Variants in EBF1 observed in about 807,000 individuals in gnomAD.
EBF1 encodes the protein EBF transcription factor 1, also known as transcription factor COE1.
EBF1 carries 10 observed loss-of-function variants against 68.4 expected under a neutral mutation model. The observed-to-expected ratio is 0.15, with a 90% CI of 0.09 to 0.25. EBF1 has a LOEUF of 0.25. Among genes scored for constraint, EBF1 ranks in the 10% least tolerant of loss-of-function variants. The pLI, the probability that EBF1 is intolerant of heterozygous loss-of-function variation, is 1.00. For synonymous variants in EBF1, 298 were observed against 299.8 expected (o/e 0.99, Z 0.06); for missense variants, 509 against 794.4 (o/e 0.64, Z 4.32).
chr5:159,075,907 C>T (rs893710232), intron 5 of EBF1, among the ~76,000 whole-genome samples: 6 of 152,154 alleles, frequency 3.9e-5, no homozygotes, highest in African/African-American at 1.2e-4. Flanking sequence ...TCTTGCCTGG[C>T]GGGCCTCTCC....
rs143146943 is a variant in EBF1, at chr5:158,712,293, G to A, written c.1410C>T (p.Tyr470=). 2.2e-5 allele frequency: 36 copies of A among 1,614,082 alleles called. 1 individual carries two copies. The Middle Eastern group carries it at 5.0e-4, about 22-fold the overall frequency. The change falls in exon 14 of 16, where the codon TAC becomes TAT. Residue 470 remains tyrosine (Y), a synonymous_variant. Coordinates refer to ENST00000313708, the MANE Select transcript of EBF1 (RefSeq NM_024007.5). Reference sequence around the variant, plus strand: ...TCTGCTGGGGAGTGGTGCTCGGCACGTACCCGTGTGGTGATACGCTGCTTG... The same window carrying A: ...TCTGCTGGGGAGTGGTGCTCGGCACATACCCGTGTGGTGATACGCTGCTTG... ...RNSSSVSPHG[Y]VPSTTPQQTN...
chr5:158,956,036 G>A (rs1439717847), intron 6 of EBF1, among the ~76,000 whole-genome samples: 3 of 59,016 alleles, frequency 5.1e-5, no homozygotes, highest in Non-Finnish European at 8.0e-5. Context: ...AAATGTGTGT[G>A]TGTGTGTGTG....
chr5:158,820,968 C>T (rs1242332009), intron 8 of EBF1, among the ~76,000 whole-genome samples: 1 of 152,150 alleles, frequency 6.6e-6, no homozygotes, highest in Non-Finnish European at 1.5e-5. Flanking sequence ...TAATTAGTTA[C>T]CAACAATTAA....
intron 5 of EBF1, 38 bp downstream of exon 5, chr5:159,084,628 C>A: frequency 6.9e-7 from 1 of 1,454,962 alleles, no homozygotes; most frequent in South Asian, 1.4e-5. Flanking sequence ...TTCATCTTCT[C>A]TTTGCTAATT....
At chr5:158,932,150 A>G (rs1033059839) in intron 6 of EBF1, among the ~76,000 whole-genome samples, 5 of 152,234 alleles carry the variant, frequency 3.3e-5, no homozygotes, top group Admixed American at 3.3e-4. Flanking sequence ...ATATCCTTTG[A>G]GCCTGTAATT....
intron 11 of EBF1, among the ~76,000 whole-genome samples, chr5:158,724,461 A>G (rs1054631780): frequency 6.6e-6 from 1 of 152,210 alleles, no homozygotes; most frequent in Admixed American, 6.5e-5. Context: ...TTATGCAAAG[A>G]TATCTTATTT....
At chr5:158,862,549 C>T (rs909370407) in intron 6 of EBF1, among the ~76,000 whole-genome samples, 1 of 152,018 alleles carries the variant, frequency 6.6e-6, no homozygotes, top group Non-Finnish European at 1.5e-5. Context: ...TATGCTTGTC[C>T]CACTGTGCCT....
intron 11 of EBF1, among the ~76,000 whole-genome samples, chr5:158,715,074 T>A (rs1333128290): frequency 6.6e-6 from 1 of 152,218 alleles, no homozygotes; most frequent in Non-Finnish European, 1.5e-5. Flanking sequence ...TTTCTTCAGA[T>A]TCATTTCCAC....
intron 6 of EBF1, among the ~76,000 whole-genome samples, chr5:158,893,347 A>T (rs748851035): frequency 2.0e-5 from 3 of 152,184 alleles, no homozygotes; most frequent in Admixed American, 6.6e-5. Context: ...TGTAATCTTC[A>T]CAACAGGACA....
At chr5:159,057,282 T>C (rs1424226684) in intron 6 of EBF1, among the ~76,000 whole-genome samples, 1 of 152,036 alleles carries the variant, frequency 6.6e-6, no homozygotes, top group Non-Finnish European at 1.5e-5. Flanking sequence ...CATTTTTGTA[T>C]TTTTAGTAGA....
At chr5:158,845,806 C>T (rs966272531) in intron 6 of EBF1, among the ~76,000 whole-genome samples, 9 of 152,130 alleles carry the variant, frequency 5.9e-5, no homozygotes, top group South Asian at 2.1e-4. Context: ...AGGGGTAGTG[C>T]CTTAAATCGT....
intron 6 of EBF1, among the ~76,000 whole-genome samples, chr5:159,009,456 T>C (rs560619468): frequency 2.9e-4 from 44 of 152,178 alleles, no homozygotes; most frequent in Non-Finnish European, 5.1e-4. Flanking sequence ...CACACTTTCT[T>C]TACTATGCCA....
At chr5:158,857,076 C>T (rs572713017) in intron 6 of EBF1, among the ~76,000 whole-genome samples, 5 of 152,204 alleles carry the variant, frequency 3.3e-5, no homozygotes, top group Admixed American at 1.3e-4. Context: ...TGCCATCTTC[C>T]GCCTCCTACT....
chr5:158,923,049 C>G (rs1051273007), intron 6 of EBF1, among the ~76,000 whole-genome samples: 3 of 152,192 alleles, frequency 2.0e-5, no homozygotes, highest in Non-Finnish European at 4.4e-5. Flanking sequence ...GCGATTTGAA[C>G]GCAGAAAGCC....
chr5:159,025,745 A>C (rs1312565904), intron 6 of EBF1, among the ~76,000 whole-genome samples: 4 of 152,168 alleles, frequency 2.6e-5, no homozygotes, highest in Non-Finnish European at 5.9e-5. Context: ...CATCTCCTTA[A>C]TGTATCTCAA....
intron 10 of EBF1, among the ~76,000 whole-genome samples, chr5:158,763,608 A>G (rs1771992276): frequency 6.6e-6 from 1 of 152,204 alleles, no homozygotes; most frequent in African/African-American, 2.4e-5. Context: ...GGAAGGTCCA[A>G]GGAATTAAGC....
chr5:158,929,272 CA>C (rs1427039009), intron 6 of EBF1, among the ~76,000 whole-genome samples: 24 of 152,160 alleles, frequency 1.6e-4, no homozygotes, highest in African/African-American at 5.6e-4. Flanking sequence ...AGAGTATGTA[CA>C]ACTTCAGTGC....
rs934100769 is a variant in EBF1, at chr5:158,796,456, G to A, written c.798C>T (p.Ala266=). Reference sequence around the variant, plus strand: ...TCGTCCATCCTTCACTCGGGCTGATGGCTTTGATACAGGGAGTAGCTGCTT... The same window carrying A: ...TCGTCCATCCTTCACTCGGGCTGATAGCTTTGATACAGGGAGTAGCTGCTT... The part of the protein sequence containing the change: ...YLEHATPCIK[A]ISPSEGWTTG... The change falls in exon 9 of 16, where the codon GCC becomes GCT. Residue 266 remains alanine (A), a synonymous_variant. Coordinates refer to ENST00000313708, the MANE Select transcript of EBF1 (RefSeq NM_024007.5). The A allele has an allele frequency of 1.2e-6, 2 of 1,613,068 alleles. No homozygotes were observed. The highest frequency in any genetic ancestry group is 1.1e-5 in the South Asian group (1 of 90,898).
At chr5:158,715,762 C>T (rs889267253) in intron 11 of EBF1, among the ~76,000 whole-genome samples, 46 of 152,204 alleles carry the variant, frequency 3.0e-4, no homozygotes, top group African/African-American at 1.0e-3. Flanking sequence ...TACTATTGTA[C>T]GGGCACACTA....
Sources: allele counts gnomAD v4.1 joint callset (sites outside exome capture counted in the v4.1 genomes callset), GRCh38; gene constraint gnomAD v4.1.1; transcripts MANE v1.5; gene names NCBI Gene and HGNC (gene_info 2026-07-23, HGNC 2026-07-21).